CASP8: variants seen among roughly 807,000 people sequenced by gnomAD.
CASP8 encodes caspase 8, also known as caspase-8.
In CASP8, 24 loss-of-function variants were observed where a neutral mutation model predicts 46.3. That is an observed-to-expected ratio of 0.52 (90% CI 0.38 to 0.73). The LOEUF (loss-of-function observed/expected upper bound fraction) is 0.73. CASP8 is among the 30% of genes least tolerant of loss of function. CASP8 has a pLI of 0.00. For synonymous variants in CASP8, 188 were observed against 200.4 expected (o/e 0.94, Z 0.52); for missense variants, 460 against 559.0 (o/e 0.82, Z 1.79).
At chr2:201,234,391 G>A (rs1945953231) in intron 2 of CASP8, among the ~76,000 whole-genome samples, 2 of 152,144 alleles carry the variant, frequency 1.3e-5, no homozygotes, top group South Asian at 4.1e-4. Context: ...AGGGGATACT[G>A]GGTAGTACGC....
intron 2 of CASP8, among the ~76,000 whole-genome samples, chr2:201,247,318 A>G (rs1304178542): frequency 6.6e-6 from 1 of 151,666 alleles, no homozygotes; most frequent in Non-Finnish European, 1.5e-5. Context: ...TTTTCTTTTA[A>G]CTGCATGTAT....
upstream of CASP8, among the ~76,000 whole-genome samples, chr2:201,257,809 G>T (rs899188205): frequency 2.0e-5 from 3 of 152,132 alleles, no homozygotes; most frequent in African/African-American, 7.2e-5. Flanking sequence ...CAAGGCAAAG[G>T]GAAACTTCCT....
intron 1 of CASP8, among the ~76,000 whole-genome samples, chr2:201,262,832 G>A (rs1947521017): frequency 6.6e-6 from 1 of 152,188 alleles, no homozygotes; most frequent in Admixed American, 6.5e-5. Context: ...TGTTAATGGT[G>A]TCATAAATCC....
chr2:201,234,323 G>A (rs1438434095), intron 2 of CASP8, among the ~76,000 whole-genome samples: 2 of 152,196 alleles, frequency 1.3e-5, no homozygotes, highest in South Asian at 2.1e-4. Context: ...ACCTGTACTC[G>A]GAGCTAAAAT....
Position 201,266,830 on chromosome 2 carries a change from G to C in CASP8, c.305+39G>C. On this transcript the variant is annotated intron_variant, in intron 2 of 8. Coordinates refer to ENST00000673742, the MANE Select transcript of CASP8 (RefSeq NM_001372051.1). The surrounding 1 kb of genome is among the most constrained non-coding windows in gnomAD (Gnocchi z 5.7). ...CCCATTGTGGGACTGGGAGGTGTGGGTTGAATGGACAGCCTCTGAGCTGAT... is the reference window on the plus strand; with the variant it reads ...CCCATTGTGGGACTGGGAGGTGTGGCTTGAATGGACAGCCTCTGAGCTGAT... 2 of 1,529,560 alleles carry C rather than the reference G, an allele frequency of 1.3e-6. No individual in the cohort carries two copies. Among genetic ancestry groups the C allele is most frequent in the Non-Finnish European group, 1.8e-6 (2 of 1,110,052 alleles). 94.7% of individuals were successfully genotyped at this position (1,529,560 alleles called of 1,614,324 possible). A position where few individuals can be genotyped will look rare whatever the true frequency, so the allele number is the denominator to read the frequency against.
chr2:201,261,911 T>G (rs544418421), intron 1 of CASP8: 2 of 152,212 alleles, frequency 1.3e-5, no homozygotes, highest in African/African-American at 2.4e-5. Flanking sequence ...TTGTGACATG[T>G]AATACAGTGG....
intron 2 of CASP8, among the ~76,000 whole-genome samples, chr2:201,239,013 T>A (rs956206515): frequency 2.0e-5 from 3 of 152,046 alleles, no homozygotes; most frequent in African/African-American, 7.2e-5. Context: ...ACAAAGCACA[T>A]CTTGCACCGC....
At position 201,285,081 on chromosome 2, in the gene CASP8, T is replaced by C; in HGVS notation, c.1068T>C (p.Phe356=). The C allele has an allele frequency of 6.2e-7, 1 of 1,614,190 alleles. No individual in the cohort carries two copies. Among genetic ancestry groups the C allele is most frequent in the Non-Finnish European group, 8.5e-7 (1 of 1,180,036 alleles). Residue 356 remains phenylalanine, a synonymous_variant, in exon 8 of 9, where the codon TTT becomes TTC. Transcript: ENST00000673742. ...TTGCTGGAAAACCCAAAGTGTTTTTTATTCAGGCTTGTCAGGGGGATAACT... is the reference window on the plus strand; with the variant it reads ...TTGCTGGAAAACCCAAAGTGTTTTTCATTCAGGCTTGTCAGGGGGATAACT... ...PSLAGKPKVF[F]IQACQGDNYQ... is the part of the protein sequence containing the mutation.
At chr2:201,277,871 T>C (rs1353083293) in intron 7 of CASP8, 3 of 265,168 alleles carry the variant, frequency 1.1e-5, no homozygotes, top group African/African-American at 2.4e-5. Flanking sequence ...TGGCTAATTT[T>C]TGTATTTTTA....
At chr2:201,252,945 A>T (rs1250209184) in intron 2 of CASP8, among the ~76,000 whole-genome samples, 1 of 152,176 alleles carries the variant, frequency 6.6e-6, no homozygotes, top group African/African-American at 2.4e-5. Flanking sequence ...GTGAAACCTA[A>T]TGGAGAAAAT....
rs1216714708 is a variant in CASP8, at chr2:201,282,054, T to C, written c.803-2762T>C. The C allele has an allele frequency of 4.5e-5, 7 of 154,830 alleles. 1 individual carries two copies. Among genetic ancestry groups the C allele is most frequent in the Non-Finnish European group, 8.3e-5 (7 of 83,868 alleles). The allele number at this position is 154,830 out of a possible 1,614,324, so 9.6% of individuals were successfully genotyped here. The stretch of plus-strand genomic sequence containing the variant: ...GCAGATAAACAAGTGAACAAAGGTC[T>C]CTGGTTTTCCTAGGCAGAGGACCCT... On this transcript the variant is annotated intron_variant, in intron 7 of 8. Coordinates refer to ENST00000673742, the MANE Select transcript of CASP8 (RefSeq NM_001372051.1).
At chr2:201,258,243 C>G (rs372642070), upstream of CASP8, 23 of 1,607,018 alleles carry the variant, frequency 1.4e-5, 1 homozygote, top group African/African-American at 2.8e-4. Context: ...TGGAGGGAGG[C>G]AGAAGAGCCA....
chr2:201,281,547 A>C (rs545968440), intron 7 of CASP8, among the ~76,000 whole-genome samples: 2 of 151,066 alleles, frequency 1.3e-5, no homozygotes, highest in Admixed American at 1.3e-4. Flanking sequence ...GGTAATGGGG[A>C]GGGATAGAGA....
upstream of CASP8, among the ~76,000 whole-genome samples, chr2:201,259,652 T>C (rs1947245486): frequency 6.6e-6 from 1 of 152,216 alleles, no homozygotes; most frequent in South Asian, 2.1e-4. Flanking sequence ...CTTTTCCTAC[T>C]TTTAATATCA....
At chr2:201,258,664 C>G (rs1334611869), upstream of CASP8, among the ~76,000 whole-genome samples, 1 of 152,224 alleles carries the variant, frequency 6.6e-6, no homozygotes, top group Non-Finnish European at 1.5e-5. Flanking sequence ...CACGGTCTCC[C>G]TCCTGTGGAC....
At chr2:201,240,933 A>T (rs1946271749) in intron 2 of CASP8, 1 of 152,164 alleles carries the variant, frequency 6.6e-6, no homozygotes, top group Non-Finnish European at 1.5e-5. Context: ...AACAACAATT[A>T]GGCCATAAAA....
intron 7 of CASP8, 194 bp downstream of exon 7, chr2:201,277,162 T>C (rs991179143): frequency 6.4e-6 from 3 of 471,370 alleles, no homozygotes; most frequent in African/African-American, 5.9e-5. Context: ...ATTAATTTTT[T>C]AAATAAAAGT....
upstream of CASP8, among the ~76,000 whole-genome samples, chr2:201,259,319 C>T (rs987124477): frequency 1.3e-5 from 2 of 152,104 alleles, no homozygotes; most frequent in Non-Finnish European, 1.5e-5. Context: ...ACCACAGGCG[C>T]GTGCTACCAC....
At chr2:201,274,804 T>C in intron 5 of CASP8, 85 bp from the exon 6 acceptor site, 1 of 1,054,046 alleles carries the variant, frequency 9.5e-7, no homozygotes, top group African/African-American at 1.6e-5. Context: ...AAAGACCTTA[T>C]GTTGTCCTAT....
Sources: gnomAD v4.1 joint callset for allele counts (sites outside exome capture counted in the v4.1 genomes callset) on GRCh38, gnomAD v4.1.1 for gene constraint, Gnocchi (gnomAD v3.1) non-coding constraint, MANE v1.5 for transcripts, NCBI Gene and HGNC (gene_info 2026-07-23, HGNC 2026-07-21) for gene names.